The following WIF1 variants were observed in gnomAD, a reference collection of about 807,000 sequenced individuals.
WIF1 encodes the protein Wnt inhibitory factor 1.
WIF1 carries 35 observed loss-of-function variants against 53.5 expected under a neutral mutation model. That is an observed-to-expected ratio of 0.65 (90% CI 0.50 to 0.87). WIF1 has a LOEUF of 0.87. Ranked by LOEUF, WIF1 falls within the 40% of genes least tolerant of loss-of-function variation. The pLI is 0.00. For missense variants in WIF1, 467 were observed against 476.8 expected (o/e 0.98, Z 0.19); for synonymous variants, 171 against 170.4 (o/e 1.00, Z -0.03).
At chr12:65,106,588 C>T (rs1036152455) in intron 2 of WIF1, among the ~76,000 whole-genome samples, 3 of 151,968 alleles carry the variant, frequency 2.0e-5, no homozygotes, top group African/African-American at 4.8e-5. Flanking sequence ...GGTCTTGATC[C>T]ACCTGCCTCA....
chr12:65,051,158 C>T lies in WIF1; in HGVS notation c.*191G>A, dbSNP rs563186755. 9 of 589,172 alleles carry T rather than the reference C, an allele frequency of 1.5e-5. No individual in the cohort carries two copies. The highest frequency in any genetic ancestry group is 3.5e-5 in the East Asian group (1 of 28,656). The allele number at this position is 589,172 out of a possible 1,614,324, so 36.5% of individuals were successfully genotyped here. A position where few individuals can be genotyped will look rare whatever the true frequency, so the allele number is the denominator to read the frequency against. On this transcript the variant is annotated 3_prime_UTR_variant, in exon 10 of 10. Transcript: ENST00000286574. ...AAGCACTGAAACAAGAAAATCTATA[C>T]CATCATGCTACAGACGTACTTAGAA...
At position 65,120,690 on chromosome 12, in the gene WIF1, C is replaced by G; in HGVS notation, c.149-134G>C. 3.9e-6 allele frequency: 4 copies of G among 1,023,948 alleles called. No homozygotes were observed. The South Asian group carries it at 6.8e-5, about 18-fold the overall frequency. 63.4% of individuals were successfully genotyped at this position (1,023,948 alleles called of 1,614,324 possible). A position where few individuals can be genotyped will look rare whatever the true frequency, so the allele number is the denominator to read the frequency against. On this transcript the variant is annotated intron_variant, in intron 1 of 9. Transcript: ENST00000286574. ...CACAAGCATCTGCCTTCAGTACCATCAACGCTACTAAGATTAATTTTTCTC... is the reference window on the plus strand; with the variant it reads ...CACAAGCATCTGCCTTCAGTACCATGAACGCTACTAAGATTAATTTTTCTC...
chr12:65,102,936 A>C (rs1204016127), intron 2 of WIF1, among the ~76,000 whole-genome samples: 1 of 152,222 alleles, frequency 6.6e-6, no homozygotes, highest in Non-Finnish European at 1.5e-5. Flanking sequence ...GATGGCAAAA[A>C]ACATCTAAAA....
intron 2 of WIF1, among the ~76,000 whole-genome samples, chr12:65,098,077 A>G (rs1405312875): frequency 6.6e-6 from 1 of 152,210 alleles, no homozygotes; most frequent in Non-Finnish European, 1.5e-5. Context: ...TTGTGCTAGC[A>G]TAATGTCTTT....
At chr12:65,120,685 A>T in intron 1 of WIF1, 129 bp from the exon 2 acceptor site, 1 of 1,066,120 alleles carries the variant, frequency 9.4e-7, no homozygotes, top group Non-Finnish European at 1.3e-6. Flanking sequence ...TGCCTTCAGT[A>T]CCATCAACGC....
chr12:65,054,266 C>G (rs2136606738), intron 9 of WIF1: 1 of 152,002 alleles, frequency 6.6e-6, no homozygotes, highest in East Asian at 1.9e-4. Flanking sequence ...TTTTTTCAAA[C>G]TAAAGTGGAC....
Position 65,096,499 on chromosome 12 carries a change from A to G in WIF1, c.289-18645T>C, listed in dbSNP as rs558308088. On this transcript the variant is annotated intron_variant, in intron 2 of 9. Coordinates refer to ENST00000286574, the MANE Select transcript of WIF1 (RefSeq NM_007191.5). ...TACAACCAGAAATACCATTTGACCC[A>G]GCAATCCCATTACTGGGTATATACC... Among the ~76,000 whole-genome samples, 3 of 152,342 alleles carry G rather than the reference A, an allele frequency of 2.0e-5. No homozygotes were observed. In the East Asian group the frequency reaches 5.8e-4, roughly 29 times the overall value.
intron 7 of WIF1, among the ~76,000 whole-genome samples, chr12:65,058,049 TTAA>T (rs769185652): frequency 1.1e-4 from 17 of 151,608 alleles, no homozygotes; most frequent in Non-Finnish European, 2.5e-4. Flanking sequence ...GAAAACAAAC[TTAA>T]TAACAGAATA....
chr12:65,069,168 G>A (rs1461591307), intron 3 of WIF1, among the ~76,000 whole-genome samples: 1 of 152,146 alleles, frequency 6.6e-6, no homozygotes, highest in Non-Finnish European at 1.5e-5. Flanking sequence ...TCACAGTCTG[G>A]ACTTGTACTA....
intron 2 of WIF1, among the ~76,000 whole-genome samples, chr12:65,106,653 AT>A (rs1565760102): frequency 6.6e-6 from 1 of 152,144 alleles, no homozygotes; most frequent in South Asian, 2.1e-4. Flanking sequence ...TCCCAAAAAT[AT>A]TTTTTAAACC....
intron 6 of WIF1, among the ~76,000 whole-genome samples, chr12:65,064,301 C>T (rs1217389148): frequency 6.6e-6 from 1 of 152,180 alleles, no homozygotes; most frequent in African/African-American, 2.4e-5. Flanking sequence ...ATTGTATTGT[C>T]ATGAGCAAGC....
Position 65,077,833 on chromosome 12 carries a change from G to A in WIF1, c.310C>T (p.Leu104=). The A allele has an allele frequency of 4.3e-6, 7 of 1,613,676 alleles. No homozygotes were observed. Among genetic ancestry groups the A allele is most frequent in the Non-Finnish European group, 5.9e-6 (7 of 1,179,774 alleles). ...AGQAEYFYEF[L]SLRSLDKGIM... Reference sequence around the variant, plus strand: ...CCTTTATCCAGGGAGCGCAAGGACAGGAATTCATAGAAGTATTCTGCCTAC... The same window carrying A: ...CCTTTATCCAGGGAGCGCAAGGACAAGAATTCATAGAAGTATTCTGCCTAC... Residue 104 remains leucine (L), a synonymous_variant, in exon 3 of 10, where the codon CTG becomes TTG. Transcript: ENST00000286574.
rs1339597477 is a variant in WIF1 at position 65,104,165 on chromosome 12, A to G, written c.288+16252T>C. 2.6e-5 allele frequency among the ~76,000 whole-genome samples: 4 copies of G among 152,290 alleles called. No individual in the cohort carries two copies. In the East Asian group the frequency reaches 7.7e-4, roughly 29 times the overall value. The stretch of plus-strand genomic sequence containing the variant: ...TTAGAAGAGCGGCTGGCAGACAGTA[A>G]ATGCCCCATATATGCCCGTTCTTAT... On this transcript the variant is annotated intron_variant, in intron 2 of 9. Transcript: ENST00000286574.
At chr12:65,104,321 A>C (rs1050906759) in intron 2 of WIF1, among the ~76,000 whole-genome samples, 4 of 152,350 alleles carry the variant, frequency 2.6e-5, no homozygotes, top group East Asian at 1.9e-4. Context: ...CTTCTTGGTC[A>C]AAGTCTTTAT....
At chr12:65,061,895 G>T (rs191988851) in intron 7 of WIF1, among the ~76,000 whole-genome samples, 10 of 152,280 alleles carry the variant, frequency 6.6e-5, no homozygotes, top group Admixed American at 2.6e-4. Flanking sequence ...CAAAAAGATG[G>T]GATCATGCAG....
chr12:65,115,409 C>T (rs1014895140), intron 2 of WIF1, among the ~76,000 whole-genome samples: 2 of 152,100 alleles, frequency 1.3e-5, no homozygotes, highest in African/African-American at 4.8e-5. Flanking sequence ...TCCTAATGTT[C>T]GATTCTGATT....
intron 7 of WIF1, among the ~76,000 whole-genome samples, chr12:65,060,158 A>G (rs1882590309): frequency 6.6e-6 from 1 of 152,220 alleles, no homozygotes; most frequent in Non-Finnish European, 1.5e-5. Flanking sequence ...GTTCCTCAAA[A>G]AAGTTGTCAC....
At chr12:65,075,229 C>T (rs1291890504) in intron 3 of WIF1, among the ~76,000 whole-genome samples, 3 of 152,198 alleles carry the variant, frequency 2.0e-5, no homozygotes, top group African/African-American at 7.2e-5. Flanking sequence ...TTTATTTAGT[C>T]TCCCACTCTT....
At chr12:65,086,703 C>CTTTTTT in intron 2 of WIF1, among the ~76,000 whole-genome samples, 1 of 134,296 alleles carries the variant, frequency 7.4e-6, no homozygotes. Flanking sequence ...GTGTTTCTTT[C>CTTTTTT]TTTTTTTTTT....
Sources: gnomAD v4.1 joint callset for allele counts (sites outside exome capture counted in the v4.1 genomes callset) on GRCh38, gnomAD v4.1.1 for gene constraint, MANE v1.5 for transcripts, NCBI Gene and HGNC (gene_info 2026-07-23, HGNC 2026-07-21) for gene names.